The following KAT2B variants were observed in gnomAD, a reference collection of about 807,000 sequenced individuals.
KAT2B encodes the protein lysine acetyltransferase 2B, also known as histone acetyltransferase KAT2B.
Under a neutral mutation model 105.9 loss-of-function variants are expected in KAT2B, and 36 were observed. The observed-to-expected ratio is 0.34, with a 90% CI of 0.26 to 0.45. KAT2B has a LOEUF of 0.45. Ranked by LOEUF, KAT2B falls within the 20% of genes least tolerant of loss-of-function variation. The pLI, the probability that KAT2B is intolerant of heterozygous loss-of-function variation, is 1.00. For synonymous variants in KAT2B, 397 were observed against 377.9 expected, an observed-to-expected ratio of 1.05 and a Z score of -0.59; for missense variants, 820 against 1,021.6, an observed-to-expected ratio of 0.80 and a Z score of 2.69.
chr3:20,106,694 A>G (rs992927686), intron 5 of KAT2B, among the ~76,000 whole-genome samples: 1 of 151,954 alleles, frequency 6.6e-6, no homozygotes, highest in African/African-American at 2.4e-5. Context: ...AGATTGAATA[A>G]CCTGTTAAAG....
chr3:20,119,607 C>T lies in KAT2B; in HGVS notation c.1160C>T (p.Pro387Leu), dbSNP rs746920071. The T allele has an allele frequency of 3.7e-6, 6 of 1,614,018 alleles. No homozygotes were observed. The highest frequency in any genetic ancestry group is 1.1e-5 in the South Asian group (1 of 91,084). ...SQLGIQTVINPPPVAGTISYN... is the reference protein window; with the variant it reads ...SQLGIQTVINLPPVAGTISYN... ...CCTTTTGCCGGGGCAGTTATCAATC[C>T]ACCTCCTGTGGCTGGGACAATTTCA... The change falls in exon 8 of 18, where the codon CCA becomes CTA. Residue 387 changes from proline (P) to leucine (L), a missense_variant. Physicochemically the swap from Pro to Leu is moderately conservative, Grantham distance 98 (BLOSUM62 -3). Coordinates refer to ENST00000263754, the MANE Select transcript of KAT2B (RefSeq NM_003884.5).
intron 2 of KAT2B, among the ~76,000 whole-genome samples, chr3:20,091,849 C>T (rs1290619833): frequency 2.6e-5 from 4 of 152,038 alleles, no homozygotes; most frequent in East Asian, 1.9e-4. Flanking sequence ...AAAATAATTG[C>T]GGTTTTTGCC....
At chr3:20,070,702 A>G (rs1357205875) in intron 1 of KAT2B, among the ~76,000 whole-genome samples, 5 of 151,838 alleles carry the variant, frequency 3.3e-5, no homozygotes, top group Admixed American at 3.3e-4. Context: ...CCACTCTGAC[A>G]ATTTTCTTCA....
intron 2 of KAT2B, among the ~76,000 whole-genome samples, chr3:20,091,273 T>C (rs1698714042): frequency 1.3e-5 from 2 of 152,196 alleles, no homozygotes; most frequent in Admixed American, 1.3e-4. Context: ...TTCTTTTAGA[T>C]TATCCAATTT....
intron 11 of KAT2B, among the ~76,000 whole-genome samples, chr3:20,130,739 T>G (rs1699494678): frequency 6.6e-6 from 1 of 152,094 alleles, no homozygotes; most frequent in African/African-American, 2.4e-5. Flanking sequence ...CATCACAAAC[T>G]CAGAAGGAAG....
chr3:20,052,297 T>C (rs908233378), intron 1 of KAT2B, among the ~76,000 whole-genome samples: 9 of 152,242 alleles, frequency 5.9e-5, no homozygotes, highest in African/African-American at 2.2e-4. Flanking sequence ...AAAAAATGAT[T>C]TCCTATCTGT....
At chr3:20,098,158 A>G (rs372340198) in intron 3 of KAT2B, among the ~76,000 whole-genome samples, 2 of 151,790 alleles carry the variant, frequency 1.3e-5, no homozygotes, top group African/African-American at 4.8e-5. Context: ...TGAGTCCGGG[A>G]TGCAGAGGTT....
At chr3:20,125,102 C>G (rs1489316942) in intron 9 of KAT2B, among the ~76,000 whole-genome samples, 1 of 152,088 alleles carries the variant, frequency 6.6e-6, no homozygotes, top group Non-Finnish European at 1.5e-5. Flanking sequence ...GCGGGCAGAT[C>G]ACGAGGTCAG....
intron 6 of KAT2B, among the ~76,000 whole-genome samples, chr3:20,113,074 G>T (rs1205819829): frequency 1.3e-5 from 2 of 152,118 alleles, no homozygotes; most frequent in Non-Finnish European, 2.9e-5. Flanking sequence ...CAGTACATGA[G>T]ACTAAGTCAT....
At chr3:20,083,315 A>T (rs1214272320) in intron 2 of KAT2B, among the ~76,000 whole-genome samples, 10 of 152,200 alleles carry the variant, frequency 6.6e-5, no homozygotes. Flanking sequence ...AAGAAAACAT[A>T]CTTTTAGATA....
chr3:20,086,981 C>G (rs905263326), intron 2 of KAT2B, among the ~76,000 whole-genome samples: 1 of 152,110 alleles, frequency 6.6e-6, no homozygotes, highest in African/African-American at 2.4e-5. Flanking sequence ...GGGGTTTCAC[C>G]ATGTTGGCCA....
At chr3:20,052,423 T>C (rs1369611465) in intron 1 of KAT2B, among the ~76,000 whole-genome samples, 1 of 152,166 alleles carries the variant, frequency 6.6e-6, no homozygotes, top group African/African-American at 2.4e-5. Context: ...TCCATTAAAT[T>C]TTCCATTAAA....
At chr3:20,145,593 C>A (rs1240815346) in intron 13 of KAT2B, among the ~76,000 whole-genome samples, 2 of 126,266 alleles carry the variant, frequency 1.6e-5, no homozygotes, top group Non-Finnish European at 3.2e-5. Context: ...AAAGGGATAA[C>A]CTCACTGTCT....
chr3:20,126,524 A>AC (rs1426713609), intron 10 of KAT2B, among the ~76,000 whole-genome samples: 1 of 151,720 alleles, frequency 6.6e-6, no homozygotes, highest in Non-Finnish European at 1.5e-5. Context: ...TGCTTAAAAA[A>AC]AAAAAACAAA....
chr3:20,057,253 G>A (rs767409837), intron 1 of KAT2B, among the ~76,000 whole-genome samples: 28 of 152,148 alleles, frequency 1.8e-4, no homozygotes, highest in Non-Finnish European at 3.4e-4. Context: ...GGGATGGAGG[G>A]CAAGCCTTTT....
chr3:20,074,152 G>A (rs1411923239), intron 2 of KAT2B, among the ~76,000 whole-genome samples: 1 of 152,124 alleles, frequency 6.6e-6, no homozygotes, highest in African/African-American at 2.4e-5. Flanking sequence ...TAATCTGTGT[G>A]TAAATTAAGA....
At chr3:20,132,546 G>A (rs1024673616) in intron 11 of KAT2B, among the ~76,000 whole-genome samples, 1 of 152,154 alleles carries the variant, frequency 6.6e-6, no homozygotes, top group Non-Finnish European at 1.5e-5. Context: ...AATAGGTCTG[G>A]GGTTAAAATC....
At chr3:20,090,662 A>G (rs1308617757) in intron 2 of KAT2B, among the ~76,000 whole-genome samples, 2 of 152,044 alleles carry the variant, frequency 1.3e-5, no homozygotes, top group African/African-American at 4.8e-5. Context: ...CTTTTCTTGT[A>G]GTTTCCTTGT....
chr3:20,129,429 C>T lies in KAT2B; in HGVS notation c.1749+1880C>T, dbSNP rs980833455. Reference sequence around the variant, plus strand: ...ACACTCTGTTGCCCAGGCTGGAGTGCAGTGGTGTGATCTTGGCTCACTGCA... The same window carrying T: ...ACACTCTGTTGCCCAGGCTGGAGTGTAGTGGTGTGATCTTGGCTCACTGCA... On this transcript the variant is annotated intron_variant, in intron 11 of 17. Transcript: ENST00000263754. 3.4e-5 allele frequency among the ~76,000 whole-genome samples: 5 copies of T among 146,808 alleles called. No homozygotes were observed. In the Admixed American group the frequency reaches 3.5e-4, roughly 10 times the overall value.
Sources: gnomAD v4.1 joint callset for allele counts (sites outside exome capture counted in the v4.1 genomes callset) on GRCh38, gnomAD v4.1.1 for gene constraint, MANE v1.5 for transcripts, NCBI Gene and HGNC (gene_info 2026-07-23, HGNC 2026-07-21) for gene names.